The following CUL2 variants were observed in gnomAD, a reference collection of about 807,000 sequenced individuals.
The protein encoded by CUL2 is cullin 2.
A neutral mutation model predicts 110.2 loss-of-function variants in CUL2; 22 were observed. The observed-to-expected ratio is 0.20, with a 90% confidence interval of 0.14 to 0.28. CUL2 has a LOEUF of 0.28. Ranked by LOEUF, CUL2 falls within the 10% of genes least tolerant of loss-of-function variation. The probability of loss-of-function intolerance (pLI) is 1.00; values close to 1 mark genes in which losing one functional copy is unlikely to be tolerated. For missense variants in CUL2, 631 were observed against 905.5 expected (o/e 0.70, Z 3.89); for synonymous variants, 279 against 293.2 (o/e 0.95, Z 0.49).
At chr10:35,092,536 A>C (rs145831270), upstream of CUL2, among the ~76,000 whole-genome samples, 1 of 152,368 alleles carries the variant, frequency 6.6e-6, no homozygotes, top group Non-Finnish European at 1.5e-5. Flanking sequence ...GCACTTCTGC[A>C]TGCCAAAGTG....
intron 1 of CUL2, among the ~76,000 whole-genome samples, chr10:35,074,965 C>T (rs1215947974): frequency 2.0e-5 from 3 of 152,282 alleles, no homozygotes; most frequent in Admixed American, 6.5e-5. Flanking sequence ...AAAAAGCTAG[C>T]GATGCTCCCC....
chr10:35,092,788 CT>C (rs145837030), upstream of CUL2, among the ~76,000 whole-genome samples: 21,570 of 152,136 alleles, frequency 0.14, 1,845 homozygotes, highest in East Asian at 0.24. Flanking sequence ...AAAACTACCC[CT>C]GCTCTTGCTT....
chr10:35,063,801 C>G (rs2134940306), intron 2 of CUL2: 1 of 146,504 alleles, frequency 6.8e-6, no homozygotes, highest in Middle Eastern at 3.6e-3. Context: ...TTCTCAACAT[C>G]TCCAATAATT....
At chr10:35,053,879 T>A (rs1350895882) in intron 5 of CUL2, among the ~76,000 whole-genome samples, 1 of 152,122 alleles carries the variant, frequency 6.6e-6, no homozygotes, top group African/African-American at 2.4e-5. Flanking sequence ...CACCATTGTA[T>A]CCCCAATGCC....
intron 1 of CUL2, among the ~76,000 whole-genome samples, chr10:35,118,925 A>G (rs765505851): frequency 6.6e-6 from 1 of 152,238 alleles, no homozygotes; most frequent in African/African-American, 2.4e-5. Flanking sequence ...AGCCACTGCT[A>G]CTGATGGAGA....
chr10:35,042,249 C>T (rs2085811707), intron 8 of CUL2, among the ~76,000 whole-genome samples: 1 of 152,124 alleles, frequency 6.6e-6, no homozygotes, highest in Admixed American at 6.5e-5. Context: ...ATAAATTGAA[C>T]CACAGAATAT....
chr10:35,034,312 A>C (rs2085563426), intron 10 of CUL2, among the ~76,000 whole-genome samples: 1 of 152,214 alleles, frequency 6.6e-6, no homozygotes, highest in South Asian at 2.1e-4. Flanking sequence ...TGAATACTAT[A>C]AACTAATAGT....
chr10:35,073,946 T>G (rs2086750236), intron 1 of CUL2: 1 of 679,188 alleles, frequency 1.5e-6, no homozygotes, highest in African/African-American at 1.8e-5. Context: ...GAGTCACAAG[T>G]GATTCAGAAA....
intron 5 of CUL2, among the ~76,000 whole-genome samples, chr10:35,050,095 G>A (rs559562722): frequency 2.0e-5 from 3 of 152,074 alleles, no homozygotes; most frequent in African/African-American, 7.2e-5. Flanking sequence ...GGCCAAGGTG[G>A]GCACATCACG....
chr10:35,094,177 A>G (rs554407643), upstream of CUL2, among the ~76,000 whole-genome samples: 14 of 152,314 alleles, frequency 9.2e-5, no homozygotes, highest in East Asian at 1.3e-3. Context: ...TAACAATACA[A>G]GAATGGCATA....
intron 9 of CUL2, 32 bp from the exon 10 acceptor site, chr10:35,035,328 C>T: frequency 6.2e-7 from 1 of 1,608,874 alleles, no homozygotes; most frequent in East Asian, 2.2e-5. Flanking sequence ...AGGGTTAACT[C>T]CCAAATATTT....
chr10:35,011,774 G>T, intron 20 of CUL2, 74 bp downstream of exon 20: 1 of 730,148 alleles, frequency 1.4e-6, no homozygotes, highest in Non-Finnish European at 2.4e-6. Context: ...TCCTCTTTAA[G>T]AAGAAAGAGA....
At chr10:35,032,387 T>G in intron 12 of CUL2, 48 bp downstream of exon 12, 1 of 1,483,354 alleles carries the variant, frequency 6.7e-7, no homozygotes, top group Admixed American at 2.1e-5. Flanking sequence ...TCTCATTTTC[T>G]AATACTGACT....
chr10:35,029,005 G>A (rs1370207515), intron 15 of CUL2, 118 bp from the exon 16 acceptor site: 2 of 619,220 alleles, frequency 3.2e-6, no homozygotes, highest in Non-Finnish European at 5.5e-6. Context: ...AAATGTTGAT[G>A]AAATCTGAGT....
chr10:35,060,843 T>A, intron 4 of CUL2, 31 bp downstream of exon 4: 2 of 1,564,670 alleles, frequency 1.3e-6, no homozygotes, highest in Non-Finnish European at 1.7e-6. Flanking sequence ...CAACGCTGCT[T>A]AGCTTGTCTA....
chr10:35,030,240 A>G (rs1455215133), intron 14 of CUL2, among the ~76,000 whole-genome samples: 4 of 152,228 alleles, frequency 2.6e-5, no homozygotes, highest in Non-Finnish European at 5.9e-5. Context: ...AAAAAGTTCT[A>G]TTTAGGCATA....
At chr10:35,097,713 C>T (rs1014302473) in intron 2 of CUL2, among the ~76,000 whole-genome samples, 2 of 152,094 alleles carry the variant, frequency 1.3e-5, no homozygotes, top group South Asian at 2.1e-4. Context: ...GCAATTGACA[C>T]TTTGGGAGTC....
At chr10:35,083,123 C>T (rs2086980887) in intron 1 of CUL2, among the ~76,000 whole-genome samples, 1 of 148,790 alleles carries the variant, frequency 6.7e-6, no homozygotes, top group Non-Finnish European at 1.5e-5. Flanking sequence ...AGCCACTGCA[C>T]TCCAGCCTGC....
At chr10:35,050,423 A>G (rs969971707) in intron 5 of CUL2, among the ~76,000 whole-genome samples, 2 of 152,262 alleles carry the variant, frequency 1.3e-5, no homozygotes, top group African/African-American at 4.8e-5. Context: ...GATTTATGTT[A>G]AATGAAATAA....
Sources: allele counts gnomAD v4.1 joint callset (sites outside exome capture counted in the v4.1 genomes callset), GRCh38; gene constraint gnomAD v4.1.1; transcripts MANE v1.5; gene names NCBI Gene and HGNC (gene_info 2026-07-23, HGNC 2026-07-21).